The following DENND1A variants were observed in gnomAD, a reference collection of about 807,000 sequenced individuals.
DENND1A encodes DENN domain containing 1A.
In DENND1A, 51 loss-of-function variants were observed where a neutral mutation model predicts 113.7. The ratio of observed to expected loss-of-function variants is 0.45; its 90% CI spans 0.36 to 0.57. DENND1A has a LOEUF of 0.57. Among genes scored for constraint, DENND1A ranks in the 20% least tolerant of loss-of-function variants. The pLI is 0.00. For missense variants in DENND1A, 1,258 were observed against 1,395.9 expected (o/e 0.90, Z 1.57); for synonymous variants, 565 against 570.8 (o/e 0.99, Z 0.14).
intron 13 of DENND1A, among the ~76,000 whole-genome samples, chr9:123,551,008 CTAAA>C (rs2057010259): frequency 1.3e-5 from 2 of 152,220 alleles, no homozygotes; most frequent in African/African-American, 4.8e-5. Flanking sequence ...CAAGAAAGGC[CTAAA>C]TAAATGAGCT....
intron 2 of DENND1A, among the ~76,000 whole-genome samples, chr9:123,834,859 A>C (rs1840814437): frequency 6.6e-6 from 1 of 152,260 alleles, no homozygotes. Flanking sequence ...TCTAGGCAGC[A>C]CTGGGTCTCC....
At chr9:123,928,508 G>C (rs1239847273) in intron 1 of DENND1A, 6 of 963,298 alleles carry the variant, frequency 6.2e-6, no homozygotes, top group Non-Finnish European at 7.4e-6. Context: ...TCAAGCTCTT[G>C]TTTGGAGCAT....
intron 11 of DENND1A, among the ~76,000 whole-genome samples, chr9:123,595,465 C>T (rs2059641610): frequency 6.6e-6 from 1 of 152,120 alleles, no homozygotes; most frequent in South Asian, 2.1e-4. Flanking sequence ...ACTCAAGGGG[C>T]TCCCCGCCTC....
chr9:123,411,894 C>T (rs558202721), intron 19 of DENND1A, 65 bp from the exon 20 acceptor site: 49 of 970,724 alleles, frequency 5.0e-5, no homozygotes, highest in South Asian at 1.9e-4. Context: ...TTTCCACACA[C>T]GGCCTGGAGG....
intron 11 of DENND1A, among the ~76,000 whole-genome samples, chr9:123,589,658 A>C (rs1236066949): frequency 6.6e-6 from 1 of 151,048 alleles, no homozygotes; most frequent in Non-Finnish European, 1.5e-5. Flanking sequence ...AAAAAAAAAA[A>C]AAAAAAAAAA....
chr9:123,506,201 A>T (rs1190401479), intron 13 of DENND1A, among the ~76,000 whole-genome samples: 2 of 152,238 alleles, frequency 1.3e-5, no homozygotes, highest in African/African-American at 2.4e-5. Context: ...AGAAAAAATA[A>T]TATTATTTAC....
At chr9:123,690,358 GA>G (rs1005144132) in intron 5 of DENND1A, among the ~76,000 whole-genome samples, 5 of 151,564 alleles carry the variant, frequency 3.3e-5, no homozygotes, top group African/African-American at 1.2e-4. Context: ...TAAAATTTAA[GA>G]AAAAAAAGTT....
At chr9:123,786,331 C>T (rs1003189986) in intron 3 of DENND1A, among the ~76,000 whole-genome samples, 8 of 152,174 alleles carry the variant, frequency 5.3e-5, no homozygotes, top group Non-Finnish European at 1.2e-4. Context: ...CTAACTTCTA[C>T]GGCTTCATGT....
intron 21 of DENND1A, chr9:123,401,504 T>G: frequency 8.0e-7 from 1 of 1,248,384 alleles, no homozygotes; most frequent in Non-Finnish European, 1.0e-6. Flanking sequence ...TGTCTCCTTG[T>G]GGGCCCGAGC....
At chr9:123,746,835 T>G (rs2069552257) in intron 5 of DENND1A, among the ~76,000 whole-genome samples, 1 of 152,106 alleles carries the variant, frequency 6.6e-6, no homozygotes, top group Admixed American at 6.5e-5. Flanking sequence ...TTATCTTTAC[T>G]CAATAAGGAT....
At chr9:123,569,277 C>A (rs1449176305) in intron 12 of DENND1A, among the ~76,000 whole-genome samples, 1 of 152,204 alleles carries the variant, frequency 6.6e-6, no homozygotes, top group Non-Finnish European at 1.5e-5. Flanking sequence ...ACGAGCCAAA[C>A]ATCCTCAAAG....
At chr9:123,423,663 A>C (rs2045491648) in intron 19 of DENND1A, among the ~76,000 whole-genome samples, 1 of 152,204 alleles carries the variant, frequency 6.6e-6, no homozygotes, top group South Asian at 2.1e-4. Flanking sequence ...TTATGGCTGC[A>C]CACGCTCATG....
chr9:123,387,635 CACAAA>C, intron 22 of DENND1A, 90 bp downstream of exon 22: 1 of 1,179,816 alleles, frequency 8.5e-7, no homozygotes, highest in Non-Finnish European at 1.1e-6. Flanking sequence ...CTCCCCCCGA[CACAAA>C]GGCAAGCAGC....
intron 13 of DENND1A, among the ~76,000 whole-genome samples, chr9:123,477,112 A>C (rs2049977843): frequency 6.6e-6 from 1 of 152,256 alleles, no homozygotes; most frequent in South Asian, 2.1e-4. Context: ...TTCCATGAGC[A>C]GCTGAAGGTC....
intron 2 of DENND1A, 124 bp downstream of exon 2, chr9:123,878,826 GA>G: frequency 6.8e-6 from 6 of 878,808 alleles, no homozygotes; most frequent in Non-Finnish European, 7.0e-6. Flanking sequence ...TGAATAAAAG[GA>G]AAAAGGCACT....
chr9:123,425,708 A>G (rs1325924808), intron 19 of DENND1A, among the ~76,000 whole-genome samples: 1 of 152,262 alleles, frequency 6.6e-6, no homozygotes, highest in Non-Finnish European at 1.5e-5. Context: ...TCTGTGGGAC[A>G]GGGTATAAAT....
intron 2 of DENND1A, among the ~76,000 whole-genome samples, chr9:123,820,971 G>T (rs925677047): frequency 6.6e-6 from 1 of 152,152 alleles, no homozygotes; most frequent in African/African-American, 2.4e-5. Context: ...TTAGTAAAAT[G>T]AAGAAGCATA....
At chr9:123,602,950 T>C (rs556214866) in intron 11 of DENND1A, among the ~76,000 whole-genome samples, 2 of 152,374 alleles carry the variant, frequency 1.3e-5, no homozygotes, top group East Asian at 1.9e-4. Flanking sequence ...AAATGTCACA[T>C]GGAACATCTC....
At chr9:123,566,913 CCACACACACA>C (rs59984497) in intron 12 of DENND1A, among the ~76,000 whole-genome samples, 26 of 147,438 alleles carry the variant, frequency 1.8e-4, no homozygotes, top group Middle Eastern at 3.4e-3. Flanking sequence ...CTTTAACACA[CCACACACACA>C]CACACACACA....
Sources: gnomAD v4.1 joint callset for allele counts (sites outside exome capture counted in the v4.1 genomes callset) on GRCh38, gnomAD v4.1.1 for gene constraint, MANE v1.5 for transcripts, NCBI Gene and HGNC (gene_info 2026-07-23, HGNC 2026-07-21) for gene names.